The following PCDHGA3 variants were observed in gnomAD, a reference collection of about 807,000 sequenced individuals.
PCDHGA3 encodes protocadherin gamma-A3.
PCDHGA3 carries 40 observed loss-of-function variants against 58.5 expected under a neutral mutation model. The observed-to-expected ratio is 0.68, with a 90% CI of 0.53 to 0.89. The LOEUF is 0.89. Among genes scored for constraint, PCDHGA3 ranks in the 40% least tolerant of loss-of-function variants. PCDHGA3 has a pLI of 0.00. For synonymous variants in PCDHGA3, 530 were observed against 525.7 expected, an observed-to-expected ratio of 1.01 and a Z score of -0.11; for missense variants, 1,223 against 1,195.9, an observed-to-expected ratio of 1.02 and a Z score of -0.33.
chr5:141,361,368 C>T, intron 1 of PCDHGA3: 2 of 1,613,970 alleles, frequency 1.2e-6, no homozygotes, highest in Non-Finnish European at 1.7e-6. Context: ...GCGCTCTGGA[C>T]CGGGAGGAGA....
At chr5:141,469,836 T>C (rs2099212875) in intron 1 of PCDHGA3, among the ~76,000 whole-genome samples, 1 of 152,064 alleles carries the variant, frequency 6.6e-6, no homozygotes, top group South Asian at 2.1e-4. Flanking sequence ...ATAAAACTTA[T>C]TCTTAAGATT....
At position 141,355,240 on chromosome 5, in the gene PCDHGA3, C is replaced by T. The variant is rs199669967; in HGVS notation, c.2424+8783C>T. 284 of 1,612,752 alleles carry T rather than the reference C, an allele frequency of 1.8e-4. 1 individual carries two copies. The highest frequency in any genetic ancestry group is 7.2e-4 in the Admixed American group (43 of 59,992). ...TGCTCGCCCAGACCACACCCGGCTG[C>T]TCCAGATCTGCCTTCTCCTGGGGGT... On this transcript the variant is annotated intron_variant, in intron 1 of 3. Transcript: ENST00000253812.
chr5:141,465,858 C>T (rs2099110865), intron 1 of PCDHGA3, among the ~76,000 whole-genome samples: 1 of 152,034 alleles, frequency 6.6e-6, no homozygotes, highest in African/African-American at 2.4e-5. Context: ...CCCAGTGGCT[C>T]ATGCCTGTAA....
Position 141,486,226 on chromosome 5 carries a change from A to G in PCDHGA3, c.2425-8581A>G, listed in dbSNP as rs889500362. 5.0e-6 allele frequency: 8 copies of G among 1,614,012 alleles called. No individual in the cohort carries two copies. The highest frequency in any genetic ancestry group is 6.8e-6 in the Non-Finnish European group (8 of 1,180,018). On this transcript the variant is annotated intron_variant, in intron 1 of 3. Transcript: ENST00000253812. This position sits in a 1 kb window ranked among gnomAD's most constrained non-coding sequence, Gnocchi z 5.0. ...TAAATGACAATGCCCCTTACATCACAGTGACCTCAGAGCTTGGAACCCTCC... is the reference window on the plus strand; with the variant it reads ...TAAATGACAATGCCCCTTACATCACGGTGACCTCAGAGCTTGGAACCCTCC...
chr5:141,390,867 C>CGTGTGTGT (rs61319619), intron 1 of PCDHGA3: 11 of 151,144 alleles, frequency 7.3e-5, no homozygotes, highest in African/African-American at 2.7e-4. Flanking sequence ...GCTGTGTGTG[C>CGTGTGTGT]GTGTGTGTGT....
chr5:141,414,550 G>C, intron 1 of PCDHGA3: 1 of 1,613,948 alleles, frequency 6.2e-7, no homozygotes, highest in Non-Finnish European at 8.5e-7. Context: ...CTTCTCTCAA[G>C]TCTCCTACTT....
rs2099884159 is a variant in PCDHGA3 at position 141,512,278 on chromosome 5, G to A, written c.*1105G>A. 6.5e-6 allele frequency: 1 copy of A among 152,812 alleles called. No homozygotes were observed. Among genetic ancestry groups the A allele is most frequent in the Non-Finnish European group, 1.5e-5 (1 of 68,170 alleles). 9.5% of individuals were successfully genotyped at this position (152,812 alleles called of 1,614,324 possible). A position where few individuals can be genotyped will look rare whatever the true frequency, so the allele number is the denominator to read the frequency against. ...TGCTGGGTACTCCAGAGGTGCCACT[G>A]GTGGAAGGGTCAGCGGAGCCCCAGC... On this transcript the variant is annotated 3_prime_UTR_variant, in exon 4 of 4. Coordinates refer to ENST00000253812, the MANE Select transcript of PCDHGA3 (RefSeq NM_018916.4).
chr5:141,427,881 C>A, intron 1 of PCDHGA3: 1 of 1,563,720 alleles, frequency 6.4e-7, no homozygotes, highest in African/African-American at 1.3e-5. Context: ...GATGCAGGCC[C>A]ACGACCAGGG....
chr5:141,381,817 TTTC>T (rs1262770842), intron 1 of PCDHGA3, among the ~76,000 whole-genome samples: 8 of 136,196 alleles, frequency 5.9e-5, no homozygotes, highest in African/African-American at 2.1e-4. Context: ...TCTTTCTTTC[TTTC>T]TTCTTCTTTT....
At chr5:141,366,219 G>A (rs888571729) in intron 1 of PCDHGA3, 8 of 1,613,694 alleles carry the variant, frequency 5.0e-6, no homozygotes, top group African/African-American at 1.3e-5. Flanking sequence ...CGCACAGCGC[G>A]AGCCCTGCTG....
rs2099883887 is a variant in PCDHGA3, at chr5:141,511,641, ACC to A, written c.*469_*470del. 4.4e-6 allele frequency: 1 copy of A among 224,930 alleles called. No homozygotes were observed. Among genetic ancestry groups the A allele is most frequent in the Non-Finnish European group, 9.1e-6 (1 of 110,428 alleles). 13.9% of individuals were successfully genotyped at this position (224,930 alleles called of 1,614,324 possible). A position where few individuals can be genotyped will look rare whatever the true frequency, so the allele number is the denominator to read the frequency against. ...TCTGAAAAGTTGGAAGGGCATCATG[ACC>A]TCTTGGCCTCTCCTTTGATTCTCAA... On this transcript the variant is annotated 3_prime_UTR_variant, in exon 4 of 4. Coordinates refer to ENST00000253812, the MANE Select transcript of PCDHGA3 (RefSeq NM_018916.4).
At chr5:141,445,508 T>C (rs2098468947) in intron 1 of PCDHGA3, among the ~76,000 whole-genome samples, 1 of 152,200 alleles carries the variant, frequency 6.6e-6, no homozygotes, top group Non-Finnish European at 1.5e-5. Context: ...TAATACATGA[T>C]ATTTTACAGG....
At chr5:141,478,442 C>G (rs1245219009) in intron 1 of PCDHGA3, 1 of 1,613,608 alleles carries the variant, frequency 6.2e-7, no homozygotes, top group Non-Finnish European at 8.5e-7. Flanking sequence ...GCTGAAGAAA[C>G]CTGGTGCAGC....
Position 141,491,067 on chromosome 5 carries a change from G to A in PCDHGA3, c.2425-3740G>A, listed in dbSNP as rs752758445. On this transcript the variant is annotated intron_variant, in intron 1 of 3. Coordinates refer to ENST00000253812, the MANE Select transcript of PCDHGA3 (RefSeq NM_018916.4). This position sits in a 1 kb window ranked among gnomAD's most constrained non-coding sequence, Gnocchi z 6.9. ...ACAATGCGTGGCTCTCCTACTCACT[G>A]TTGCCACAGTCCACAGCCCCAGGAC... is the stretch of plus-strand genomic sequence containing the variant. 6.2e-7 allele frequency: 1 copy of A among 1,614,200 alleles called. No individual in the cohort carries two copies. Among genetic ancestry groups the A allele is most frequent in the East Asian group, 2.2e-5 (1 of 44,892 alleles).
At chr5:141,364,226 C>T in intron 1 of PCDHGA3, 5 of 1,375,088 alleles carry the variant, frequency 3.6e-6, no homozygotes, top group Non-Finnish European at 4.9e-6. Context: ...AAAGCCAACG[C>T]TCCACGCCCA....
At chr5:141,370,823 C>T (rs764531085) in intron 1 of PCDHGA3, 167 of 1,613,906 alleles carry the variant, frequency 1.0e-4, no homozygotes, top group Non-Finnish European at 1.2e-4. Flanking sequence ...TGGAAATCAG[C>T]GAACTGGCTC....
At position 141,390,867 on chromosome 5, in the gene PCDHGA3, CGTGT is replaced by C. The variant is rs61319619; in HGVS notation, c.2424+44428_2424+44431del. The C allele has an allele frequency of 5.1e-4, 77 of 151,148 alleles. No homozygotes were observed. The East Asian group carries it at 6.0e-3, about 12-fold the overall frequency. 9.4% of individuals were successfully genotyped at this position (151,148 alleles called of 1,614,324 possible). A position where few individuals can be genotyped will look rare whatever the true frequency, so the allele number is the denominator to read the frequency against. On this transcript the variant is annotated intron_variant, in intron 1 of 3. Coordinates refer to ENST00000253812, the MANE Select transcript of PCDHGA3 (RefSeq NM_018916.4). ...TTATATGCAGTGTACGCTGTGTGTG[CGTGT>C]GTGTGTGTGTGTGTGTGAGAGAGAT...
rs1216840918 is a variant in PCDHGA3, at chr5:141,476,285, G to C, written c.2425-18522G>C. The C allele has an allele frequency of 1.2e-6, 2 of 1,614,036 alleles. No individual in the cohort carries two copies. The highest frequency in any genetic ancestry group is 1.7e-6 in the Non-Finnish European group (2 of 1,180,032). ...CAACGTGGTCGCGAACCTTGGTTTG[G>C]ATCTCGGTAGCCTCTCAGCCCGCAG... On this transcript the variant is annotated intron_variant, in intron 1 of 3. Coordinates refer to ENST00000253812, the MANE Select transcript of PCDHGA3 (RefSeq NM_018916.4). This position sits in a 1 kb window ranked among gnomAD's most constrained non-coding sequence, Gnocchi z 7.6.
At chr5:141,405,218 G>C in intron 1 of PCDHGA3, 3 of 1,613,986 alleles carry the variant, frequency 1.9e-6, no homozygotes, top group Non-Finnish European at 2.5e-6. Context: ...CTATTCTCAG[G>C]AGTTCTCCCT....
Sources: gnomAD v4.1 joint callset for allele counts (sites outside exome capture counted in the v4.1 genomes callset) on GRCh38, gnomAD v4.1.1 for gene constraint, Gnocchi (gnomAD v3.1) non-coding constraint, MANE v1.5 for transcripts, NCBI Gene and HGNC (gene_info 2026-07-23, HGNC 2026-07-21) for gene names.